The following MME variants were observed in gnomAD, a reference collection of about 807,000 sequenced individuals.
MME encodes the protein neprilysin.
A neutral mutation model predicts 113.2 loss-of-function variants in MME; 98 were observed. The ratio of observed to expected loss-of-function variants is 0.87; its 90% confidence interval spans 0.74 to 1.02. The LOEUF is 1.02. Ranked by LOEUF, MME falls within the 50% of genes least tolerant of loss-of-function variation. The pLI, the probability that MME is intolerant of heterozygous loss-of-function variation, is 0.00. For missense variants in MME, 836 were observed against 896.0 expected (o/e 0.93, Z 0.86); for synonymous variants, 292 against 300.6 (o/e 0.97, Z 0.30).
upstream of MME, among the ~76,000 whole-genome samples, chr3:155,078,787 C>G (rs934233104): frequency 2.0e-5 from 3 of 151,812 alleles, no homozygotes; most frequent in Non-Finnish European, 4.4e-5. Flanking sequence ...CTCTGAGCTC[C>G]TTGGCAATTA....
intron 1 of MME, among the ~76,000 whole-genome samples, chr3:155,069,978 T>C (rs1714501023): frequency 6.6e-6 from 1 of 152,146 alleles, no homozygotes; most frequent in African/African-American, 2.4e-5. Flanking sequence ...AGAGATTGTT[T>C]TCCTTTTGGA....
intron 1 of MME, among the ~76,000 whole-genome samples, chr3:155,073,985 C>T (rs1426336665): frequency 6.6e-6 from 1 of 151,516 alleles, no homozygotes; most frequent in Non-Finnish European, 1.5e-5. Context: ...CATAATTTAC[C>T]AATATTTAAT....
chr3:155,133,053 A>AT, intron 8 of MME, among the ~76,000 whole-genome samples: 3 of 138,758 alleles, frequency 2.2e-5, no homozygotes, highest in Admixed American at 7.2e-5. Flanking sequence ...AAAAAAAAAA[A>AT]AAAAAAAAAA....
At chr3:155,067,457 C>T (rs545871427) in intron 1 of MME, among the ~76,000 whole-genome samples, 26 of 151,632 alleles carry the variant, frequency 1.7e-4, no homozygotes, top group South Asian at 1.0e-3. Flanking sequence ...ATTACAGGTG[C>T]GTGCCACCAT....
At chr3:155,094,846 C>T (rs1436124222) in intron 3 of MME, among the ~76,000 whole-genome samples, 1 of 152,166 alleles carries the variant, frequency 6.6e-6, no homozygotes, top group East Asian at 1.9e-4. Context: ...TGATTAATCC[C>T]TTGAAGTAAG....
chr3:155,082,760 C>T (rs191965966), intron 1 of MME, among the ~76,000 whole-genome samples: 16 of 152,234 alleles, frequency 1.1e-4, no homozygotes, highest in Admixed American at 3.9e-4. Flanking sequence ...AGCTGTGGTT[C>T]GCTTATTAAT....
rs1021206027 is a variant in MME at position 155,113,985 on chromosome 3, C to T, written c.197-1009C>T. 2.6e-5 allele frequency among the ~76,000 whole-genome samples: 4 copies of T among 152,240 alleles called. No homozygotes were observed. In the East Asian group the frequency reaches 7.7e-4, roughly 29 times the overall value. ...GGGGGGCTTGAGGCTCAGCTGGAAA[C>T]CATGTTTACCATACCAAGTTTAAAA... On this transcript the variant is annotated intron_variant, in intron 3 of 22. Transcript: ENST00000360490.
intron 3 of MME, among the ~76,000 whole-genome samples, chr3:155,113,333 G>A (rs982441800): frequency 1.3e-5 from 2 of 152,180 alleles, no homozygotes; most frequent in South Asian, 4.1e-4. Context: ...AGGCTGGAGT[G>A]CAGTGGCGCT....
chr3:155,084,398 T>C (rs942793722), intron 2 of MME, 71 bp downstream of exon 2: 2 of 1,500,928 alleles, frequency 1.3e-6, no homozygotes, highest in Middle Eastern at 1.7e-4. Context: ...GCTTTTACCA[T>C]CTATCCAACG....
chr3:155,024,330 T>C (rs891570476), intron 1 of MME: 4 of 152,208 alleles, frequency 2.6e-5, no homozygotes, highest in African/African-American at 9.6e-5. Flanking sequence ...TGGCTGTAAG[T>C]AGTTGAGTTT....
rs755684422 is a variant in MME, at chr3:155,084,220, C to T, written c.53C>T (p.Pro18Leu). The change falls in exon 2 of 23, where the codon CCA becomes CTA. Residue 18 changes from proline to leucine, a missense_variant. Coordinates refer to ENST00000360490, the MANE Select transcript of MME (RefSeq NM_007289.4). ...MDITDINTPK[P>L]KKKQRWTPLE... ...ATAACTGATATCAACACTCCAAAGC[C>T]AAAGAAGAAACAGCGATGGACTCCA... The T allele has an allele frequency of 1.1e-5, 17 of 1,614,086 alleles. No homozygotes were observed. Among genetic ancestry groups the T allele is most frequent in the Admixed American group, 6.7e-5 (4 of 60,012 alleles).
chr3:155,044,384 C>T (rs961769017), intron 1 of MME, among the ~76,000 whole-genome samples: 5 of 151,996 alleles, frequency 3.3e-5, no homozygotes, highest in Non-Finnish European at 5.9e-5. Context: ...CCACCTGCCT[C>T]GGCCTCCCAG....
rs146419212 is a variant in MME at position 155,142,233 on chromosome 3, A to G, written c.1095-4A>G. 1.1e-4 allele frequency: 180 copies of G among 1,613,310 alleles called. No homozygotes were observed. The African/African-American group carries it at 2.0e-3, about 18-fold the overall frequency. ...GTTGCTGGGCGGTGGTTTTTTTTAT[A>G]CAGAGATCTTCAAAATTTAATGTCC... On this transcript the variant is annotated splice_region_variant and splice_polypyrimidine_tract_variant and intron_variant, in intron 11 of 22. Coordinates refer to ENST00000360490, the MANE Select transcript of MME (RefSeq NM_007289.4).
At chr3:155,147,023 C>T (rs1276584001) in intron 14 of MME, 121 bp from the exon 15 acceptor site, 3 of 698,664 alleles carry the variant, frequency 4.3e-6, no homozygotes, top group Non-Finnish European at 7.8e-6. Flanking sequence ...TTAAGTATGT[C>T]AGACACTCAT....
At chr3:155,084,029 T>C (rs1051147733) in intron 1 of MME, 129 bp from the exon 2 acceptor site, 1 of 916,880 alleles carries the variant, frequency 1.1e-6, no homozygotes, top group Non-Finnish European at 1.7e-6. Context: ...TTTTGACTTC[T>C]CAACAGCAAA....
chr3:155,074,245 A>G (rs992147503), intron 1 of MME, among the ~76,000 whole-genome samples: 2 of 152,152 alleles, frequency 1.3e-5, no homozygotes, highest in Admixed American at 1.3e-4. Context: ...TGCTCACCTC[A>G]TTAAATTTTA....
At chr3:155,067,835 GA>G (rs1029892520) in intron 1 of MME, among the ~76,000 whole-genome samples, 9 of 152,254 alleles carry the variant, frequency 5.9e-5, no homozygotes, top group Non-Finnish European at 5.9e-5. Flanking sequence ...GTACTGGTGT[GA>G]AAAATGCTAC....
chr3:155,143,482 C>T lies in MME; in HGVS notation c.1228C>T (p.Arg410Cys), dbSNP rs369531733. The T allele has an allele frequency of 1.1e-5, 18 of 1,612,504 alleles. No homozygotes were observed. Among genetic ancestry groups the T allele is most frequent in the South Asian group, 2.2e-5 (2 of 91,068 alleles). The change falls in exon 13 of 23, where the codon CGT (arginine) becomes TGT (cysteine). Residue 410 changes from arginine (R) to cysteine (C), a missense_variant. Arg to Cys is a radical substitution (Grantham distance 180). Coordinates refer to ENST00000360490, the MANE Select transcript of MME (RefSeq NM_007289.4). ...GTTSETATWR[R>C]CANYVNGNME... ...AACCTCAGAAACAGCAACTTGGAGA[C>T]GTTGTGCAAACTATGTCAATGGGAA...
At chr3:155,061,977 T>A (rs1323262199) in intron 1 of MME, among the ~76,000 whole-genome samples, 2 of 152,226 alleles carry the variant, frequency 1.3e-5, no homozygotes, top group African/African-American at 4.8e-5. Context: ...CTACTCTGTA[T>A]GTTCTTTTAC....
Sources: gnomAD v4.1 joint callset for allele counts (sites outside exome capture counted in the v4.1 genomes callset) on GRCh38, gnomAD v4.1.1 for gene constraint, MANE v1.5 for transcripts, NCBI Gene and HGNC (gene_info 2026-07-23, HGNC 2026-07-21) for gene names.